Variants in PCDHGB3 observed in about 807,000 individuals in gnomAD.
PCDHGB3 encodes protocadherin gamma-B3.
Under a neutral mutation model 59.2 loss-of-function variants are expected in PCDHGB3, and 40 were observed. The ratio of observed to expected loss-of-function variants is 0.68; its 90% confidence interval spans 0.52 to 0.88. The LOEUF (loss-of-function observed/expected upper bound fraction) is 0.88, where lower values mean the gene tolerates loss of function less well. Ranked by LOEUF, PCDHGB3 falls within the 40% of genes least tolerant of loss-of-function variation. The pLI is 0.00. For missense variants in PCDHGB3, 1,309 were observed against 1,187.9 expected, an observed-to-expected ratio of 1.10 and a Z score of -1.50; for synonymous variants, 581 against 503.6, an observed-to-expected ratio of 1.15 and a Z score of -2.06.
chr5:141,479,211 A>G (rs2099490342), intron 1 of PCDHGB3: 1 of 152,422 alleles, frequency 6.6e-6, no homozygotes, highest in African/African-American at 2.4e-5. Context: ...AAGTATTTAA[A>G]AAATTAAAAC....
In PCDHGB3 at chr5:141,485,457, T is replaced by G; in HGVS notation, c.2416-9350T>G. 1 of 1,614,124 alleles carries G rather than the reference T, an allele frequency of 6.2e-7. No individual in the cohort carries two copies. Among genetic ancestry groups the G allele is most frequent in the Non-Finnish European group, 8.5e-7 (1 of 1,180,020 alleles). On this transcript the variant is annotated intron_variant, in intron 1 of 3. Coordinates refer to ENST00000576222, the MANE Select transcript of PCDHGB3 (RefSeq NM_018924.5). This position sits in a 1 kb window ranked among gnomAD's most constrained non-coding sequence, Gnocchi z 5.7. ...AAGAACCCAATCGACCGAGAGGCAC[T>G]GTGTGGGCTCAGTGCCAGCTGCATC...
At chr5:141,435,391 A>C (rs1328617100) in intron 1 of PCDHGB3, among the ~76,000 whole-genome samples, 5 of 152,202 alleles carry the variant, frequency 3.3e-5, no homozygotes, top group African/African-American at 1.2e-4. Flanking sequence ...CCGTATTGCC[A>C]TGACGAAAAA....
At chr5:141,394,686 G>A in intron 1 of PCDHGB3, 4 of 1,612,316 alleles carry the variant, frequency 2.5e-6, no homozygotes, top group Non-Finnish European at 3.4e-6. Context: ...GCACACGGGC[G>A]AGGTGCGCAC....
chr5:141,393,584 A>G, intron 1 of PCDHGB3: 1 of 1,613,892 alleles, frequency 6.2e-7, no homozygotes, highest in African/African-American at 1.3e-5. Context: ...ACATGCCCCC[A>G]GGCACGCGGC....
intron 1 of PCDHGB3, chr5:141,410,657 G>A: frequency 1.9e-6 from 3 of 1,579,248 alleles, no homozygotes; most frequent in Non-Finnish European, 2.6e-6. Flanking sequence ...TTATCTAATA[G>A]TCTACTAGTT....
intron 1 of PCDHGB3, chr5:141,384,303 G>C: frequency 6.2e-7 from 1 of 1,613,716 alleles, no homozygotes; most frequent in Non-Finnish European, 8.5e-7. Flanking sequence ...ACCCCAGAGG[G>C]GCCTCCATTT....
At position 141,375,481 on chromosome 5, in the gene PCDHGB3, CA is replaced by C. The variant is rs140643836; in HGVS notation, c.2415+2673del. 6.2e-4 allele frequency: 1,002 copies of C among 1,614,010 alleles called. 20 individuals are homozygous for C. The East Asian group carries it at 0.02, about 31-fold the overall frequency. On this transcript the variant is annotated intron_variant, in intron 1 of 3. Transcript: ENST00000576222. ...CAGTCTATGTCCTTGAAAACAACCC[CA>C]GGGGTGCCTCCATCTTCTCTGTGAA...
At chr5:141,379,256 A>C (rs896314996) in intron 1 of PCDHGB3, 1 of 152,234 alleles carries the variant, frequency 6.6e-6, no homozygotes, top group Non-Finnish European at 1.5e-5. Flanking sequence ...ATTTACATTT[A>C]AGGAATTGTT....
intron 1 of PCDHGB3, among the ~76,000 whole-genome samples, chr5:141,380,453 A>T (rs1776506198): frequency 6.6e-6 from 1 of 152,216 alleles, no homozygotes; most frequent in Non-Finnish European, 1.5e-5. Context: ...TTTTAATGCA[A>T]CCAAACAAAT....
chr5:141,483,903 G>C (rs1167942546), intron 1 of PCDHGB3, among the ~76,000 whole-genome samples: 1 of 151,282 alleles, frequency 6.6e-6, no homozygotes, highest in Admixed American at 6.6e-5. Context: ...GCTCTGGTGT[G>C]TTTCCCACTC....
chr5:141,427,192 A>G (rs1191677237), intron 1 of PCDHGB3: 2 of 456,566 alleles, frequency 4.4e-6, no homozygotes, highest in African/African-American at 4.0e-5. Flanking sequence ...AAATCCAAAG[A>G]CTTAATAGAC....
At chr5:141,390,164 G>C in intron 1 of PCDHGB3, 1 of 1,614,006 alleles carries the variant, frequency 6.2e-7, no homozygotes, top group Non-Finnish European at 8.5e-7. Context: ...CAGGAAAGAC[G>C]GAGTTTAATT....
rs778744503 is a variant in PCDHGB3, at chr5:141,511,152, G to C, written c.2769G>C (p.Ser923=). 2 of 1,614,140 alleles carry C rather than the reference G, an allele frequency of 1.2e-6. No individual in the cohort carries two copies. Among genetic ancestry groups the C allele is most frequent in the South Asian group, 2.2e-5 (2 of 91,086 alleles). The change falls in exon 4 of 4, where the codon TCG becomes TCC. Residue 923 remains serine, a synonymous_variant. Coordinates refer to ENST00000576222, the MANE Select transcript of PCDHGB3 (RefSeq NM_018924.5). ...PAGGNGNKKK[S]GKKEKK ...GTGGCAATGGCAACAAGAAGAAGTC[G>C]GGCAAGAAGGAGAAGAAGTAACATG...
Position 141,477,991 on chromosome 5 carries a change from T to C in PCDHGB3, c.2416-16816T>C, listed in dbSNP as rs774877878. On this transcript the variant is annotated intron_variant, in intron 1 of 3. Transcript: ENST00000576222. The surrounding 1 kb of genome is among the most constrained non-coding windows in gnomAD (Gnocchi z 4.9). The stretch of plus-strand genomic sequence containing the variant: ...GCCTTTTTGCCATAGGGCTGCACAC[T>C]GGTCAAATCAGTACTGCCCGTCCAG... 2 of 1,614,134 alleles carry C rather than the reference T, an allele frequency of 1.2e-6. No individual in the cohort carries two copies. Among genetic ancestry groups the C allele is most frequent in the South Asian group, 2.2e-5 (2 of 91,082 alleles).
chr5:141,391,896 G>A (rs2092439615), intron 1 of PCDHGB3: 1 of 152,128 alleles, frequency 6.6e-6, no homozygotes, highest in Non-Finnish European at 1.5e-5. Flanking sequence ...ATGGGATGGA[G>A]CTTTGCTTTT....
At chr5:141,469,896 C>T (rs934040636) in intron 1 of PCDHGB3, among the ~76,000 whole-genome samples, 4 of 152,074 alleles carry the variant, frequency 2.6e-5, no homozygotes, top group Admixed American at 6.5e-5. Context: ...TTTGGGAAGC[C>T]GAGGCAGGCA....
chr5:141,444,001 C>G (rs2098413288), intron 1 of PCDHGB3, among the ~76,000 whole-genome samples: 1 of 151,914 alleles, frequency 6.6e-6, no homozygotes, highest in Non-Finnish European at 1.5e-5. Flanking sequence ...TTAAATGCTA[C>G]CTGGGTATTG....
chr5:141,470,671 C>T (rs2099236433), intron 1 of PCDHGB3, among the ~76,000 whole-genome samples: 1 of 152,064 alleles, frequency 6.6e-6, no homozygotes, highest in African/African-American at 2.4e-5. Context: ...TAGGGCTCTG[C>T]TGTTACCATC....
chr5:141,392,683 G>A, intron 1 of PCDHGB3: 1 of 1,058,682 alleles, frequency 9.4e-7, no homozygotes. Context: ...GGACTGCAGC[G>A]AAACCCGACC....
Sources: allele counts gnomAD v4.1 joint callset (sites outside exome capture counted in the v4.1 genomes callset), GRCh38; gene constraint gnomAD v4.1.1; non-coding constraint Gnocchi (gnomAD v3.1); transcripts MANE v1.5; gene names NCBI Gene and HGNC (gene_info 2026-07-23, HGNC 2026-07-21).